The following KIF3A variants were observed in gnomAD, a reference collection of about 807,000 sequenced individuals.
KIF3A encodes the protein kinesin family member 3A.
Under a neutral mutation model 92.6 loss-of-function variants are expected in KIF3A, and 27 were observed. That is an observed-to-expected ratio of 0.29 (90% CI 0.21 to 0.40). KIF3A has a LOEUF of 0.40. Among genes scored for constraint, KIF3A ranks in the 10% least tolerant of loss-of-function variants. KIF3A has a pLI of 1.00. For synonymous variants in KIF3A, 250 were observed against 275.4 expected (o/e 0.91, Z 0.92); for missense variants, 581 against 872.6 (o/e 0.67, Z 4.21).
chr5:132,702,225 C>A lies in KIF3A; in HGVS notation c.1759-13G>T. On this transcript the variant is annotated splice_polypyrimidine_tract_variant and intron_variant, in intron 14 of 18. Transcript: ENST00000403231. ...GGAGATCAGCCATCTACCAGAAAATCCATAAAAATATTATGAACAAACAAG... is the reference window on the plus strand; with the variant it reads ...GGAGATCAGCCATCTACCAGAAAATACATAAAAATATTATGAACAAACAAG... 1 of 1,611,744 alleles carries A rather than the reference C, an allele frequency of 6.2e-7. No individual in the cohort carries two copies. The highest frequency in any genetic ancestry group is 8.5e-7 in the Non-Finnish European group (1 of 1,178,458).
intron 4 of KIF3A, among the ~76,000 whole-genome samples, chr5:132,722,222 G>C (rs1753848782): frequency 6.6e-6 from 1 of 152,118 alleles, no homozygotes; most frequent in Non-Finnish European, 1.5e-5. Context: ...CAATTAATAA[G>C]TGTATTCAAC....
chr5:132,734,676 C>A (rs141407974), intron 1 of KIF3A, among the ~76,000 whole-genome samples, 198 bp from the exon 2 acceptor site: 1,949 of 152,270 alleles, frequency 0.013, 42 homozygotes, highest in African/African-American at 0.044. Flanking sequence ...AAAGGAAAAT[C>A]GTTTCTTTTA....
chr5:132,722,994 T>C (rs1206961242), intron 4 of KIF3A: 7 of 152,326 alleles, frequency 4.6e-5, no homozygotes, highest in East Asian at 1.9e-4. Flanking sequence ...TAGGGTAGTA[T>C]ACGAATTTTT....
rs1752736852 is a variant in KIF3A at position 132,693,700 on chromosome 5, G to A, written c.*2934C>T. The A allele has an allele frequency of 6.6e-6, 1 of 152,566 alleles. No individual in the cohort carries two copies. Among genetic ancestry groups the A allele is most frequent in the Admixed American group, 6.5e-5 (1 of 15,268 alleles). 9.5% of individuals were successfully genotyped at this position (152,566 alleles called of 1,614,324 possible). A position where few individuals can be genotyped will look rare whatever the true frequency, so the allele number is the denominator to read the frequency against. The stretch of plus-strand genomic sequence containing the variant: ...ATATAGATATTCAGACCAGGCTTGA[G>A]GCCAGGCGTGGTGGCTCACACCTGT... On this transcript the variant is annotated 3_prime_UTR_variant, in exon 19 of 19. Coordinates refer to ENST00000403231, the MANE Select transcript of KIF3A (RefSeq NM_001300791.2).
chr5:132,718,223 T>C (rs114664310), intron 5 of KIF3A, among the ~76,000 whole-genome samples: 2,060 of 152,348 alleles, frequency 0.014, 53 homozygotes, highest in African/African-American at 0.047. Flanking sequence ...ACATACATAC[T>C]GTTCTACAAT....
At position 132,720,732 on chromosome 5, in the gene KIF3A, C is replaced by G; in HGVS notation, c.511-18G>C. On this transcript the variant is annotated intron_variant, in intron 4 of 18. Coordinates refer to ENST00000403231, the MANE Select transcript of KIF3A (RefSeq NM_001300791.2). ...TCTTTAACCTAAAAAAAAATTAAGA[C>G]TTTATACTATATCAATAACTCTTCC... The G allele has an allele frequency of 7.3e-7, 1 of 1,365,718 alleles. No individual in the cohort carries two copies. The highest frequency in any genetic ancestry group is 1.0e-6 in the Non-Finnish European group (1 of 965,006). The allele number at this position is 1,365,718 out of a possible 1,614,324, so 84.6% of individuals were successfully genotyped here. A position where few individuals can be genotyped will look rare whatever the true frequency, so the allele number is the denominator to read the frequency against.
At chr5:132,732,626 T>C (rs1017552252) in intron 2 of KIF3A, among the ~76,000 whole-genome samples, 4 of 150,732 alleles carry the variant, frequency 2.7e-5, no homozygotes, top group African/African-American at 9.8e-5. Context: ...AATACAAAAA[T>C]CAGCCAGGTG....
intron 10 of KIF3A, 65 bp from the exon 11 acceptor site, chr5:132,706,524 A>C: frequency 7.6e-7 from 1 of 1,319,384 alleles, no homozygotes; most frequent in Non-Finnish European, 1.0e-6. Context: ...TGAGGAGGAA[A>C]AAAAGGAAAA....
In KIF3A at chr5:132,702,839, A is replaced by G. The variant is rs762710701; in HGVS notation, c.1647+46T>C. The G allele has an allele frequency of 2.5e-6, 4 of 1,576,846 alleles. 1 individual carries two copies. Among genetic ancestry groups the G allele is most frequent in the Non-Finnish European group, 3.5e-6 (4 of 1,154,878 alleles). On this transcript the variant is annotated intron_variant, in intron 13 of 18. Transcript: ENST00000403231. The stretch of plus-strand genomic sequence containing the variant: ...ATTTAGCTTTCCACTAGAAAAGTTA[A>G]ATCTCTCTGGCAAAATACCAAACTA...
intron 2 of KIF3A, among the ~76,000 whole-genome samples, chr5:132,728,456 C>T (rs2149918937): frequency 6.6e-6 from 1 of 152,262 alleles, no homozygotes; most frequent in Middle Eastern, 3.4e-3. Context: ...TAAACTATGG[C>T]CAGGCGGGGT....
intron 18 of KIF3A, among the ~76,000 whole-genome samples, chr5:132,698,937 T>C (rs1228522146): frequency 1.3e-5 from 2 of 152,080 alleles, no homozygotes; most frequent in Non-Finnish European, 2.9e-5. Context: ...AGCGTTTCAC[T>C]ATGTTAGCCA....
At chr5:132,698,824 G>C (rs1000144320) in intron 18 of KIF3A, among the ~76,000 whole-genome samples, 3 of 149,906 alleles carry the variant, frequency 2.0e-5, no homozygotes, top group Non-Finnish European at 4.4e-5. Flanking sequence ...TGCAACCTCC[G>C]GCTCCTGGGT....
intron 17 of KIF3A, 86 bp from the exon 18 acceptor site, chr5:132,699,381 T>C (rs1752949655): frequency 7.4e-7 from 1 of 1,360,328 alleles, no homozygotes; most frequent in Non-Finnish European, 1.0e-6. Flanking sequence ...CTGAATAAAC[T>C]CCTTGATCAA....
rs939814883 is a variant in KIF3A at position 132,706,382 on chromosome 5, A to G, written c.1309+69T>C. On this transcript the variant is annotated intron_variant, in intron 11 of 18. Coordinates refer to ENST00000403231, the MANE Select transcript of KIF3A (RefSeq NM_001300791.2). ...CTACTAAATTTTAAAAATTTAATGT[A>G]TTTAAATAACATAGTTCTTTATAGG... 4.3e-6 allele frequency: 5 copies of G among 1,158,358 alleles called. No homozygotes were observed. The African/African-American group carries it at 6.6e-5, about 15-fold the overall frequency. 71.8% of individuals were successfully genotyped at this position (1,158,358 alleles called of 1,614,324 possible).
downstream of KIF3A, among the ~76,000 whole-genome samples, chr5:132,690,173 G>A (rs144284876): frequency 3.9e-3 from 601 of 152,220 alleles, 2 homozygotes; most frequent in Non-Finnish European, 5.8e-3. Flanking sequence ...CTGAGATTGC[G>A]CCACTGCACT....
chr5:132,689,849 T>G (rs1581051068), downstream of KIF3A: 1 of 152,124 alleles, frequency 6.6e-6, no homozygotes. Flanking sequence ...GAGTTTTACA[T>G]AAGCTGGAAG....
At chr5:132,704,734 C>G (rs1044010390) in intron 11 of KIF3A, among the ~76,000 whole-genome samples, 1 of 151,818 alleles carries the variant, frequency 6.6e-6, no homozygotes, top group Non-Finnish European at 1.5e-5. Flanking sequence ...TCCCAAAGAA[C>G]TACAGAAGAA....
intron 11 of KIF3A, 109 bp downstream of exon 11, chr5:132,706,342 T>TA: frequency 1.6e-6 from 1 of 633,466 alleles, no homozygotes; most frequent in Non-Finnish European, 2.5e-6. Flanking sequence ...GATAGATACT[T>TA]ACCTGGTAAA....
At chr5:132,714,275 A>G (rs766897253) in intron 8 of KIF3A, among the ~76,000 whole-genome samples, 3 of 152,160 alleles carry the variant, frequency 2.0e-5, no homozygotes, top group Non-Finnish European at 4.4e-5. Context: ...AACTAGGGGA[A>G]GGGAGGAATG....
Sources: allele counts gnomAD v4.1 joint callset (sites outside exome capture counted in the v4.1 genomes callset), GRCh38; gene constraint gnomAD v4.1.1; transcripts MANE v1.5; gene names NCBI Gene and HGNC (gene_info 2026-07-23, HGNC 2026-07-21).